Variants in RALGAPB observed in about 807,000 individuals in gnomAD.
The protein encoded by RALGAPB is ral GTPase-activating protein subunit beta.
Under a neutral mutation model 161.1 loss-of-function variants are expected in RALGAPB, and 25 were observed. The observed-to-expected ratio is 0.16, with a 90% CI of 0.11 to 0.22. The LOEUF (loss-of-function observed/expected upper bound fraction) is 0.22. Among genes scored for constraint, RALGAPB ranks in the 10% least tolerant of loss-of-function variants. The pLI is 1.00. For synonymous variants in RALGAPB, 629 were observed against 626.1 expected, an observed-to-expected ratio of 1.00 and a Z score of -0.07; for missense variants, 1,391 against 1,815.2, an observed-to-expected ratio of 0.77 and a Z score of 4.25.
At chr20:38,483,727 A>T (rs1200424367) in intron 1 of RALGAPB, among the ~76,000 whole-genome samples, 1 of 152,166 alleles carries the variant, frequency 6.6e-6, no homozygotes, top group African/African-American at 2.4e-5. Context: ...TGATCAAGAC[A>T]TGTGAGGGTT....
chr20:38,483,380 C>T (rs879269363), intron 1 of RALGAPB, among the ~76,000 whole-genome samples: 1 of 152,116 alleles, frequency 6.6e-6, no homozygotes, highest in Non-Finnish European at 1.5e-5. Context: ...TTAATGGCTA[C>T]ATAATAGTAT....
At chr20:38,524,455 C>CAA (rs1568940453) in intron 10 of RALGAPB, among the ~76,000 whole-genome samples, 2 of 151,722 alleles carry the variant, frequency 1.3e-5, no homozygotes, top group African/African-American at 4.8e-5. Flanking sequence ...CTTTGAGTTG[C>CAA]AAGGCTTAAG....
intron 23 of RALGAPB, among the ~76,000 whole-genome samples, chr20:38,559,459 C>A (rs2087711147): frequency 6.6e-6 from 1 of 152,176 alleles, no homozygotes; most frequent in Admixed American, 6.5e-5. Context: ...CTTTGGGAGG[C>A]CGAGGCGGAT....
At chr20:38,476,928 A>C (rs531176007) in intron 1 of RALGAPB, among the ~76,000 whole-genome samples, 1 of 152,378 alleles carries the variant, frequency 6.6e-6, no homozygotes, top group African/African-American at 2.4e-5. Context: ...ACCCTGGTAC[A>C]GTTGAAAATA....
intron 15 of RALGAPB, 29 bp downstream of exon 15, chr20:38,532,888 G>A (rs1568949168): frequency 2.5e-6 from 4 of 1,600,714 alleles, no homozygotes; most frequent in African/African-American, 1.3e-5. Context: ...GAAATTCAAA[G>A]TTTAATAGAA....
chr20:38,534,955 G>A (rs1489500110), intron 15 of RALGAPB, 119 bp from the exon 16 acceptor site: 20 of 1,227,914 alleles, frequency 1.6e-5, no homozygotes, highest in Non-Finnish European at 2.3e-5. Flanking sequence ...CACTGTGTGG[G>A]TGCCCGTCGT....
chr20:38,526,191 A>G, intron 13 of RALGAPB, 149 bp downstream of exon 13: 1 of 896,920 alleles, frequency 1.1e-6, no homozygotes. Context: ...TTTAATGTAA[A>G]AAAATTTAAA....
At chr20:38,496,275 A>G (rs1384792142) in intron 3 of RALGAPB, among the ~76,000 whole-genome samples, 3 of 152,192 alleles carry the variant, frequency 2.0e-5, no homozygotes, top group Admixed American at 2.0e-4. Flanking sequence ...CGTTTTCTGC[A>G]TCATAGCCCA....
intron 1 of RALGAPB, 82 bp from the exon 2 acceptor site, chr20:38,488,321 A>G: frequency 1.2e-6 from 1 of 861,096 alleles, no homozygotes; most frequent in South Asian, 1.9e-5. Flanking sequence ...TTATCATGCC[A>G]ATAGTCTATA....
At position 38,574,075 on chromosome 20, in the gene RALGAPB, G is replaced by GGGGGACTTCAACTCTTGGGTGTCTC. The variant is rs567336168; in HGVS notation, c.4143-50_4143-26dup. On this transcript the variant is annotated intron_variant, in intron 28 of 29. Coordinates refer to ENST00000262879, the MANE Select transcript of RALGAPB (RefSeq NM_020336.4). ...CCTTTACTAATCTTAGGCTATATGT[G>GGGGGACTTCAACTCTTGGGTGTCTC]GGGGACTTCAACTCTTGGGTGTCTC... 1.9e-5 allele frequency: 28 copies of GGGGGACTTCAACTCTTGGGTGTCTC among 1,438,648 alleles called. 1 individual carries two copies. The African/African-American group carries it at 3.6e-4, about 19-fold the overall frequency. 89.1% of individuals were successfully genotyped at this position (1,438,648 alleles called of 1,614,324 possible). A position where few individuals can be genotyped will look rare whatever the true frequency, so the allele number is the denominator to read the frequency against.
chr20:38,514,156 C>T (rs1049587935), intron 6 of RALGAPB, among the ~76,000 whole-genome samples: 4 of 152,182 alleles, frequency 2.6e-5, no homozygotes, highest in Non-Finnish European at 5.9e-5. Flanking sequence ...CATGAAGCAG[C>T]GAACAACCCT....
rs1013471550 is a variant in RALGAPB at position 38,576,348 on chromosome 20, A to G, written c.*1381A>G. The G allele has an allele frequency of 6.5e-6, 1 of 152,684 alleles. No individual in the cohort carries two copies. Among genetic ancestry groups the G allele is most frequent in the South Asian group, 2.1e-4 (1 of 4,832 alleles). 9.5% of individuals were successfully genotyped at this position (152,684 alleles called of 1,614,324 possible). On this transcript the variant is annotated 3_prime_UTR_variant, in exon 30 of 30. Coordinates refer to ENST00000262879, the MANE Select transcript of RALGAPB (RefSeq NM_020336.4). Reference sequence around the variant, plus strand: ...TGTCAGTCGACTGTGGGTCAGAGCTACAACCATCTGTTTGGTTTGATGTTT... The same window carrying G: ...TGTCAGTCGACTGTGGGTCAGAGCTGCAACCATCTGTTTGGTTTGATGTTT...
At chr20:38,540,613 CA>C (rs1216145214) in intron 17 of RALGAPB, among the ~76,000 whole-genome samples, 1 of 152,160 alleles carries the variant, frequency 6.6e-6, no homozygotes, top group Non-Finnish European at 1.5e-5. Flanking sequence ...TTAAAAATGT[CA>C]ATGACAAGAT....
In RALGAPB at chr20:38,506,173, T is replaced by C. The variant is rs574197201; in HGVS notation, c.741-2904T>C. On this transcript the variant is annotated intron_variant, in intron 5 of 29. Transcript: ENST00000262879. ...TATAGGAAGATGTGTGTAGGTTATA[T>C]GCAAATACTAAATTATTTTATGTAA... is the stretch of plus-strand genomic sequence containing the variant. Among the ~76,000 whole-genome samples, 3 of 152,334 alleles carry C rather than the reference T, an allele frequency of 2.0e-5. No individual in the cohort carries two copies. In the East Asian group the frequency reaches 5.8e-4, roughly 29 times the overall value.
At chr20:38,572,269 A>C (rs1051142942) in intron 28 of RALGAPB, among the ~76,000 whole-genome samples, 2 of 152,216 alleles carry the variant, frequency 1.3e-5, no homozygotes, top group Admixed American at 1.3e-4. Context: ...AAAGAGAATA[A>C]TCTGATTCTA....
At chr20:38,552,248 C>G (rs1009550678) in intron 21 of RALGAPB, among the ~76,000 whole-genome samples, 1 of 151,088 alleles carries the variant, frequency 6.6e-6, no homozygotes, top group African/African-American at 2.4e-5. Flanking sequence ...TCAAGTGATT[C>G]TCCTACCTCA....
At chr20:38,549,005 A>C (rs750058925) in intron 20 of RALGAPB, among the ~76,000 whole-genome samples, 13 of 152,188 alleles carry the variant, frequency 8.5e-5, no homozygotes, top group African/African-American at 1.9e-4. Context: ...GTGTCTTTTC[A>C]AAAAGCTTTC....
At chr20:38,518,415 A>T (rs1002178352) in intron 9 of RALGAPB, among the ~76,000 whole-genome samples, 11 of 152,220 alleles carry the variant, frequency 7.2e-5, no homozygotes, top group African/African-American at 2.4e-4. Flanking sequence ...TGTAAACATC[A>T]GAAAATTTTT....
At chr20:38,494,413 C>T (rs960419061) in intron 3 of RALGAPB, among the ~76,000 whole-genome samples, 1 of 152,180 alleles carries the variant, frequency 6.6e-6, no homozygotes, top group Non-Finnish European at 1.5e-5. Flanking sequence ...GGTGGATCAC[C>T]TGAGGTCAGG....
Sources: allele counts gnomAD v4.1 joint callset (sites outside exome capture counted in the v4.1 genomes callset), GRCh38; gene constraint gnomAD v4.1.1; transcripts MANE v1.5; gene names NCBI Gene and HGNC (gene_info 2026-07-23, HGNC 2026-07-21).